Variants in BMAL2 observed in about 807,000 individuals in gnomAD.
BMAL2 encodes the protein basic helix-loop-helix ARNT like 2, also known as basic helix-loop-helix ARNT-like protein 2.
the BMAL2 span, among the ~76,000 whole-genome samples, chr12:27,408,273 T>G: frequency 7.2e-5 from 11 of 152,144 alleles, no homozygotes; most frequent in Non-Finnish European, 1.3e-4. Context: ...TACCATAGCC[T>G]GGCAGAGACA....
At chr12:27,392,599 T>A in the BMAL2 span, among the ~76,000 whole-genome samples, 1,181 of 152,174 alleles carry the variant, frequency 7.8e-3, 16 homozygotes, top group African/African-American at 0.027. Context: ...GAACCAACAC[T>A]GTGTTGGTTC....
chr12:27,346,198 C>T, the BMAL2 span, among the ~76,000 whole-genome samples: 122 of 150,394 alleles, frequency 8.1e-4, 2 homozygotes, highest in East Asian at 0.017. Context: ...CTTTGATTTA[C>T]CTTCTTACTT....
the BMAL2 span, among the ~76,000 whole-genome samples, chr12:27,377,924 A>G: frequency 6.6e-6 from 1 of 151,910 alleles, no homozygotes; most frequent in Admixed American, 6.6e-5. Context: ...TAGCTCCCAC[A>G]GCCTTCATCG....
At chr12:27,408,417 T>C in the BMAL2 span, among the ~76,000 whole-genome samples, 3 of 152,218 alleles carry the variant, frequency 2.0e-5, no homozygotes, top group African/African-American at 7.2e-5. Context: ...GCTTCATCCC[T>C]GGGATGCAAG....
At chr12:27,369,292 T>G in the BMAL2 span, among the ~76,000 whole-genome samples, 1 of 142,820 alleles carries the variant, frequency 7.0e-6, no homozygotes, top group African/African-American at 2.7e-5. Context: ...TTTTTTTTCT[T>G]TTTTGGTGGG....
chr12:27,400,460 T>C, the BMAL2 span: 20,678 of 1,244,054 alleles, frequency 0.017, 1,135 homozygotes, highest in African/African-American at 0.18. Context: ...ATAACTATTA[T>C]AGATGTCAAT....
the BMAL2 span, among the ~76,000 whole-genome samples, chr12:27,409,558 C>A: frequency 6.6e-6 from 1 of 152,192 alleles, no homozygotes; most frequent in Non-Finnish European, 1.5e-5. Context: ...AAAGCTGAAA[C>A]TGGATCCCTT....
At chr12:27,390,976 C>T in the BMAL2 span, among the ~76,000 whole-genome samples, 20 of 152,256 alleles carry the variant, frequency 1.3e-4, no homozygotes, top group Non-Finnish European at 1.5e-4. Flanking sequence ...ACACCTGAAA[C>T]GGTAATTGCT....
chr12:27,389,433 T>G, the BMAL2 span: 1 of 597,146 alleles, frequency 1.7e-6, no homozygotes, highest in Non-Finnish European at 2.9e-6. Flanking sequence ...TACATCATAC[T>G]TAATAAATAT....
the BMAL2 span, among the ~76,000 whole-genome samples, chr12:27,368,100 T>G: frequency 7.9e-6 from 1 of 126,682 alleles, no homozygotes; most frequent in African/African-American, 2.6e-5. Flanking sequence ...GCCTCAGCCT[T>G]ACAAAGTGCT....
the BMAL2 span, chr12:27,380,295 C>A: frequency 1.2e-6 from 2 of 1,614,154 alleles, no homozygotes; most frequent in Non-Finnish European, 1.7e-6. Flanking sequence ...AAATGAATAA[C>A]CTGATTGAAG....
the BMAL2 span, among the ~76,000 whole-genome samples, chr12:27,363,956 A>G: frequency 6.6e-6 from 1 of 152,128 alleles, no homozygotes; most frequent in African/African-American, 2.4e-5. Context: ...AGGCTGGGTA[A>G]TTTAAAACAA....
At chr12:27,388,613 G>A in the BMAL2 span, among the ~76,000 whole-genome samples, 2 of 152,202 alleles carry the variant, frequency 1.3e-5, no homozygotes, top group South Asian at 2.1e-4. Flanking sequence ...AATTTGGCTG[G>A]AGTGGCCAAG....
the BMAL2 span, chr12:27,424,009 A>G: frequency 6.6e-6 from 1 of 152,244 alleles, no homozygotes; most frequent in Non-Finnish European, 1.5e-5. Context: ...AGAATGTAAA[A>G]TATCACATTA....
chr12:27,390,487 G>A, the BMAL2 span: 16 of 370,008 alleles, frequency 4.3e-5, no homozygotes, highest in African/African-American at 3.4e-4. Context: ...TGTAGTTTGG[G>A]GCCTATCAAG....
the BMAL2 span, among the ~76,000 whole-genome samples, chr12:27,395,079 G>T: frequency 1.3e-5 from 2 of 152,236 alleles, no homozygotes; most frequent in African/African-American, 4.8e-5. Context: ...CAAATAACTT[G>T]CATCATTTTC....
At chr12:27,388,577 T>A in the BMAL2 span, among the ~76,000 whole-genome samples, 1 of 151,136 alleles carries the variant, frequency 6.6e-6, no homozygotes, top group South Asian at 2.1e-4. Context: ...GAGAAGGGAG[T>A]CCCGGAAGTC....
chr12:27,400,793 T>C, the BMAL2 span: 7 of 1,578,296 alleles, frequency 4.4e-6, no homozygotes, highest in Admixed American at 3.5e-5. Flanking sequence ...TTACATGTTA[T>C]AATGATTAGA....
the BMAL2 span, among the ~76,000 whole-genome samples, chr12:27,381,725 G>A: frequency 1.6e-4 from 24 of 152,172 alleles, no homozygotes; most frequent in Non-Finnish European, 2.9e-4. Context: ...TCCAACTTGG[G>A]TGAAGTGGAA....
Sources: allele counts gnomAD v4.1 joint callset (sites outside exome capture counted in the v4.1 genomes callset), GRCh38; gene constraint gnomAD v4.1.1; transcripts MANE v1.5; gene names NCBI Gene and HGNC (gene_info 2026-07-23, HGNC 2026-07-21).